Variants in DIS3L2 observed in about 807,000 individuals in gnomAD.
The protein encoded by DIS3L2 is DIS3 like 3'-5' exoribonuclease 2, also known as DIS3-like exonuclease 2.
Under a neutral mutation model 97.5 loss-of-function variants are expected in DIS3L2, and 34 were observed. That is an observed-to-expected ratio of 0.35 (90% confidence interval 0.27 to 0.46). The LOEUF is 0.46. DIS3L2 is among the 20% of genes least tolerant of loss of function. DIS3L2 has a pLI of 1.00. For missense variants in DIS3L2, 1,038 were observed against 1,146.0 expected (o/e 0.91, Z 1.36); for synonymous variants, 435 against 445.2 (o/e 0.98, Z 0.29).
chr2:232,209,588 C>T (rs185503581), intron 9 of DIS3L2, among the ~76,000 whole-genome samples: 60 of 152,216 alleles, frequency 3.9e-4, no homozygotes, highest in Admixed American at 3.4e-3. Flanking sequence ...AATCTCCAGG[C>T]AGTCCTCGGG....
intron 6 of DIS3L2, among the ~76,000 whole-genome samples, chr2:232,118,550 C>T (rs1007567737): frequency 2.0e-5 from 3 of 152,202 alleles, no homozygotes; most frequent in Non-Finnish European, 2.9e-5. Context: ...ACTTGCAACC[C>T]CACAACAGTC....
At chr2:232,184,019 G>T (rs748157274) in intron 9 of DIS3L2, among the ~76,000 whole-genome samples, 7 of 152,166 alleles carry the variant, frequency 4.6e-5, no homozygotes, top group African/African-American at 9.7e-5. Flanking sequence ...TGGGAATATG[G>T]AAAGTAAACT....
At chr2:232,086,659 A>G (rs11675970) in intron 5 of DIS3L2, among the ~76,000 whole-genome samples, 9,250 of 91,852 alleles carry the variant, frequency 0.1, 1,336 homozygotes, top group African/African-American at 0.15. Context: ...ATATATATAT[A>G]TGTGTGTGTG....
intron 10 of DIS3L2, among the ~76,000 whole-genome samples, chr2:232,231,580 A>G (rs972875764): frequency 6.6e-6 from 1 of 152,222 alleles, no homozygotes; most frequent in Non-Finnish European, 1.5e-5. Context: ...TTACCTGAGG[A>G]CGTAGTGGGC....
chr2:232,079,227 C>T (rs1168572998), intron 5 of DIS3L2, among the ~76,000 whole-genome samples: 1 of 152,068 alleles, frequency 6.6e-6, no homozygotes, highest in Non-Finnish European at 1.5e-5. Context: ...TTCATGAAAC[C>T]TATATTCTAG....
At chr2:232,093,282 T>A (rs1696899323) in intron 6 of DIS3L2, among the ~76,000 whole-genome samples, 1 of 152,102 alleles carries the variant, frequency 6.6e-6, no homozygotes, top group Non-Finnish European at 1.5e-5. Context: ...GTTGTTGAAT[T>A]TTATTTGCTA....
chr2:232,043,674 G>A (rs1695165279), intron 5 of DIS3L2, among the ~76,000 whole-genome samples: 1 of 152,154 alleles, frequency 6.6e-6, no homozygotes, highest in South Asian at 2.1e-4. Flanking sequence ...TTAAAGTACA[G>A]GGTATGATAA....
At chr2:232,051,737 G>A (rs890513499) in intron 5 of DIS3L2, among the ~76,000 whole-genome samples, 3 of 144,258 alleles carry the variant, frequency 2.1e-5, no homozygotes, top group East Asian at 2.1e-4. Flanking sequence ...GCGTGAACCC[G>A]GGAGGCGGAG....
At chr2:232,170,548 A>G (rs1574923211) in intron 9 of DIS3L2, among the ~76,000 whole-genome samples, 1 of 152,326 alleles carries the variant, frequency 6.6e-6, no homozygotes, top group African/African-American at 2.4e-5. Context: ...CCACCAGACC[A>G]TTACAAATGT....
At chr2:232,271,532 A>G (rs1053498237) in intron 13 of DIS3L2, among the ~76,000 whole-genome samples, 1 of 152,248 alleles carries the variant, frequency 6.6e-6, no homozygotes, top group African/African-American at 2.4e-5. Context: ...TACTACTTCA[A>G]CCGTGGAGAT....
intron 14 of DIS3L2, among the ~76,000 whole-genome samples, chr2:232,321,573 C>T (rs886496476): frequency 1.3e-5 from 2 of 152,140 alleles, no homozygotes; most frequent in Admixed American, 1.3e-4. Flanking sequence ...GTGGGAGGAG[C>T]GTCAGCAAAG....
At position 232,087,589 on chromosome 2, in the gene DIS3L2, A is replaced by G. The variant is rs1553606121; in HGVS notation, c.469A>G (p.Ser157Gly). 1 of 1,614,048 alleles carries G rather than the reference A, an allele frequency of 6.2e-7. No individual in the cohort carries two copies. The highest frequency in any genetic ancestry group is 8.5e-7 in the Non-Finnish European group (1 of 1,180,022). ...GHHLPQQSLK[S>G]YNDSPDVIVE... ...CCATCTCCCGCAACAGTCCCTGAAA[A>G]GCTATAATGACAGTCCTGATGTCAT... Residue 157 changes from serine to glycine, a missense_variant, in exon 6 of 21, where the codon AGC becomes GGC. Around this residue, in one of 3 missense-constraint regions of DIS3L2, gnomAD observed 813 missense variants for 880.1 expected, o/e 0.92. Transcript: ENST00000325385.
intron 1 of DIS3L2, among the ~76,000 whole-genome samples, chr2:231,984,356 G>C (rs1216966046): frequency 6.7e-6 from 1 of 150,200 alleles, no homozygotes; most frequent in Non-Finnish European, 1.5e-5. Flanking sequence ...GCTGGAGTGA[G>C]TGGCGTGATC....
chr2:231,974,105 A>G (rs1004991243), intron 1 of DIS3L2, among the ~76,000 whole-genome samples: 4 of 152,190 alleles, frequency 2.6e-5, no homozygotes, highest in African/African-American at 7.2e-5. Flanking sequence ...ACTTTTCATT[A>G]TCTCAAGAAT....
At chr2:232,059,019 A>C (rs1695626785) in intron 5 of DIS3L2, among the ~76,000 whole-genome samples, 1 of 152,158 alleles carries the variant, frequency 6.6e-6, no homozygotes, top group Non-Finnish European at 1.5e-5. Context: ...ATTTTGGAAA[A>C]GCTAGAAATA....
intron 6 of DIS3L2, among the ~76,000 whole-genome samples, chr2:232,119,963 C>T (rs1393542450): frequency 1.3e-5 from 2 of 152,152 alleles, no homozygotes; most frequent in East Asian, 3.8e-4. Context: ...GTATCAGCTT[C>T]CTTTGCATTC....
intron 11 of DIS3L2, among the ~76,000 whole-genome samples, chr2:232,244,401 C>T (rs917228952): frequency 6.6e-6 from 1 of 152,170 alleles, no homozygotes; most frequent in Non-Finnish European, 1.5e-5. Context: ...GGACAGAGCG[C>T]TGCTCTTAAC....
chr2:232,216,559 C>T (rs1188991209), intron 10 of DIS3L2, among the ~76,000 whole-genome samples: 1 of 152,112 alleles, frequency 6.6e-6, no homozygotes, highest in Non-Finnish European at 1.5e-5. Flanking sequence ...GCCTCTGATT[C>T]CACCCCTCTC....
At position 232,331,173 on chromosome 2, in the gene DIS3L2, G is replaced by A. The variant is rs151000691; in HGVS notation, c.2010+397G>A. On this transcript the variant is annotated intron_variant, in intron 16 of 20. Transcript: ENST00000325385. ...GTCCAGAACTAGCTGTCAGCCTCTG[G>A]CCAGTGTGGGAAAGAAGCGGACTTG... is the stretch of plus-strand genomic sequence containing the variant. Among the ~76,000 whole-genome samples the A allele has an allele frequency of 8.4e-3, 1,280 of 152,352 alleles. 13 individuals are homozygous for A. Among genetic ancestry groups the A allele is most frequent in the African/African-American group, 0.029 (1,195 of 41,570 alleles).
Sources: gnomAD v4.1 joint callset for allele counts (sites outside exome capture counted in the v4.1 genomes callset) on GRCh38, gnomAD v4.1.1 for gene constraint, gnomAD v4.1.1 regional missense constraint, MANE v1.5 for transcripts, NCBI Gene and HGNC (gene_info 2026-07-23, HGNC 2026-07-21) for gene names.